The following BACH1 variants were observed in gnomAD, a reference collection of about 807,000 sequenced individuals.
BACH1 encodes the protein BTB domain and CNC homolog 1, also known as transcription regulator protein BACH1.
Under a neutral mutation model 52.9 loss-of-function variants are expected in BACH1, and 35 were observed. That is an observed-to-expected ratio of 0.66 (90% CI 0.51 to 0.88). The LOEUF (loss-of-function observed/expected upper bound fraction) is 0.88, where lower values mean the gene tolerates loss of function less well. BACH1 is among the 40% of genes least tolerant of loss of function. BACH1 has a pLI of 0.00. For synonymous variants in BACH1, 321 were observed against 319.6 expected (o/e 1.00, Z -0.05); for missense variants, 808 against 872.6 (o/e 0.93, Z 0.93).
chr21:29,332,229 C>T (rs1472391073), intron 4 of BACH1, among the ~76,000 whole-genome samples: 5 of 152,168 alleles, frequency 3.3e-5, no homozygotes, highest in South Asian at 2.1e-4. Flanking sequence ...CCATTGCATC[C>T]GGTCTCCATT....
chr21:29,314,623 T>C (rs1424484745), intron 1 of BACH1, among the ~76,000 whole-genome samples: 2 of 152,158 alleles, frequency 1.3e-5, no homozygotes, highest in Non-Finnish European at 2.9e-5. Flanking sequence ...AGCGGTGGCA[T>C]CTTTAGTTAT....
chr21:29,342,677 A>G lies in BACH1; in HGVS notation c.2055A>G (p.Arg685=), dbSNP rs199730601. 1.9e-4 allele frequency: 311 copies of G among 1,614,228 alleles called. 4 individuals carry two copies. In the East Asian group the frequency reaches 6.8e-3, roughly 35 times the overall value. ...CAGCAGTGCTGCCTCCCTGTGCCAGAGGAAACAGTGAGCCTGGCTACGCGC... is the reference window on the plus strand; with the variant it reads ...CAGCAGTGCTGCCTCCCTGTGCCAGGGGAAACAGTGAGCCTGGCTACGCGC... ...RPPAVLPPCA[R]GNSEPGYARG... is the part of the protein sequence containing the mutation. Residue 685 remains arginine (R), a synonymous_variant, in exon 5 of 5, where the codon AGA becomes AGG. Coordinates refer to ENST00000286800, the MANE Select transcript of BACH1 (RefSeq NM_001186.4).
rs367633782 is a variant in BACH1 at position 29,321,301 on chromosome 21, G to A, written c.21G>A (p.Ser7=). MSLSEN[S]VFAYESSVHS... is the part of the protein sequence containing the mutation. ...GCAGAATGTCTCTGAGTGAGAACTC[G>A]GTTTTTGCCTATGAATCTTCTGTGC... Residue 7 remains serine (S), a synonymous_variant, in exon 2 of 5, where the codon TCG becomes TCA. Transcript: ENST00000286800. The A allele has an allele frequency of 3.8e-5, 61 of 1,613,932 alleles. No individual in the cohort carries two copies. The African/African-American group carries it at 4.7e-4, about 12-fold the overall frequency.
intron 4 of BACH1, among the ~76,000 whole-genome samples, chr21:29,340,155 T>TACTG (rs1252835470): frequency 6.6e-6 from 1 of 152,240 alleles, no homozygotes; most frequent in Admixed American, 6.5e-5. Flanking sequence ...GTATCTTAAA[T>TACTG]ACTGATGTCA....
intron 1 of BACH1, among the ~76,000 whole-genome samples, chr21:29,302,548 C>T (rs1240327185): frequency 6.6e-6 from 1 of 152,230 alleles, no homozygotes; most frequent in Non-Finnish European, 1.5e-5. Flanking sequence ...TACCTGGTAA[C>T]TAGTGCCTCA....
Position 29,321,327 on chromosome 21 carries a change from A to G in BACH1, c.47A>G (p.His16Arg). 3 of 1,614,252 alleles carry G rather than the reference A, an allele frequency of 1.9e-6. No homozygotes were observed. The highest frequency in any genetic ancestry group is 2.5e-6 in the Non-Finnish European group (3 of 1,180,042). The change falls in exon 2 of 5, where the codon CAT becomes CGT. Residue 16 changes from histidine to arginine, a missense_variant. His to Arg is a conservative substitution (Grantham distance 29). Coordinates refer to ENST00000286800, the MANE Select transcript of BACH1 (RefSeq NM_001186.4). ...NSVFAYESSV[H>R]STNVLLSLND... ...GTTTTTGCCTATGAATCTTCTGTGC[A>G]TAGCACCAATGTTTTACTCAGCCTT... is the stretch of plus-strand genomic sequence containing the variant.
intron 4 of BACH1, among the ~76,000 whole-genome samples, chr21:29,336,286 C>T (rs1359046888): frequency 2.6e-5 from 4 of 152,146 alleles, no homozygotes; most frequent in African/African-American, 4.8e-5. Flanking sequence ...CTTTACTTCC[C>T]GTAAACTGGA....
chr21:29,322,799 T>G (rs2088864428), intron 2 of BACH1, among the ~76,000 whole-genome samples: 1 of 152,180 alleles, frequency 6.6e-6, no homozygotes, highest in Non-Finnish European at 1.5e-5. Context: ...GTAGCAGAGG[T>G]CAGAGTCAAT....
chr21:29,340,977 A>T (rs2123473913), intron 4 of BACH1, among the ~76,000 whole-genome samples: 1 of 152,140 alleles, frequency 6.6e-6, no homozygotes, highest in South Asian at 2.1e-4. Context: ...ATTTAAAAAA[A>T]AAAAAAAAAA....
chr21:29,308,399 GT>G (rs2088682430), intron 1 of BACH1, among the ~76,000 whole-genome samples: 1 of 152,160 alleles, frequency 6.6e-6, no homozygotes, highest in Admixed American at 6.5e-5. Flanking sequence ...GAATAAAACA[GT>G]TTCAAATTTG....
downstream of BACH1, among the ~76,000 whole-genome samples, chr21:29,348,794 G>A (rs996161581): frequency 2.6e-5 from 4 of 152,082 alleles, no homozygotes; most frequent in Non-Finnish European, 4.4e-5. Context: ...TGGAGGAGGC[G>A]TCTTAAATCT....
At chr21:29,334,455 C>T (rs1601362415) in intron 4 of BACH1, among the ~76,000 whole-genome samples, 1 of 152,182 alleles carries the variant, frequency 6.6e-6, no homozygotes, top group East Asian at 1.9e-4. Context: ...CAGTGTTTAA[C>T]TTATGAAGCT....
rs1569012778 is a variant in BACH1 at position 29,321,420 on chromosome 21, C to T, written c.140C>T (p.Ala47Val). The T allele has an allele frequency of 1.9e-6, 3 of 1,614,208 alleles. No individual in the cohort carries two copies. Among genetic ancestry groups the T allele is most frequent in the Non-Finnish European group, 2.5e-6 (3 of 1,180,044 alleles). The stretch of plus-strand genomic sequence containing the variant: ...TTTGTGGAGGGACAGCGGTTCCGCG[C>T]TCACCGGTCCGTGCTGGCGGCATGC... ...TIFVEGQRFR[A>V]HRSVLAACSS... Residue 47 changes from alanine to valine, a missense_variant, in exon 2 of 5, where the codon GCT (alanine) becomes GTT (valine). Physicochemically the swap from Ala to Val is moderately conservative, Grantham distance 64. Transcript: ENST00000286800.
chr21:29,344,632 ATTTGTG>A lies in BACH1; in HGVS notation c.*1801_*1806del, dbSNP rs2089149407. On this transcript the variant is annotated 3_prime_UTR_variant, in exon 5 of 5. Coordinates refer to ENST00000286800, the MANE Select transcript of BACH1 (RefSeq NM_001186.4). ...ATAGTGCATCCCATACTGCAAAAGA[ATTTGTG>A]TGTGTGTGTGTGTGTGTGTGTGTGT... The A allele has an allele frequency of 9.1e-6, 1 of 109,882 alleles. No individual in the cohort carries two copies. Among genetic ancestry groups the A allele is most frequent in the Non-Finnish European group, 1.8e-5 (1 of 56,596 alleles). 6.8% of individuals were successfully genotyped at this position (109,882 alleles called of 1,614,324 possible). A position where few individuals can be genotyped will look rare whatever the true frequency, so the allele number is the denominator to read the frequency against.
At chr21:29,341,785 G>A (rs968207619) in intron 4 of BACH1, among the ~76,000 whole-genome samples, 1 of 152,200 alleles carries the variant, frequency 6.6e-6, no homozygotes, top group Non-Finnish European at 1.5e-5. Flanking sequence ...TTACATAGCT[G>A]AGATTGCATG....
intron 4 of BACH1, among the ~76,000 whole-genome samples, chr21:29,332,824 T>A (rs2089000647): frequency 6.6e-6 from 1 of 152,232 alleles, no homozygotes; most frequent in Non-Finnish European, 1.5e-5. Flanking sequence ...TATCCTCTTC[T>A]GTGACTAGCG....
intron 1 of BACH1, among the ~76,000 whole-genome samples, chr21:29,299,216 T>A (rs1208471865): frequency 4.0e-5 from 6 of 151,494 alleles, no homozygotes; most frequent in Non-Finnish European, 8.9e-5. Context: ...GAGCTGTTGT[T>A]TACCCGCGCG....
chr21:29,301,632 C>A (rs1001244902), intron 1 of BACH1, among the ~76,000 whole-genome samples: 1 of 152,072 alleles, frequency 6.6e-6, no homozygotes, highest in Non-Finnish European at 1.5e-5. Context: ...GAGACAAGCC[C>A]AGCGGTTGGT....
At position 29,326,423 on chromosome 21, in the gene BACH1, A is replaced by C. The variant is rs771966161; in HGVS notation, c.599A>C (p.Gln200Pro). The change falls in exon 3 of 5, where the codon CAA (glutamine) becomes CCA (proline). Residue 200 changes from glutamine (Q) to proline (P), a missense_variant. Coordinates refer to ENST00000286800, the MANE Select transcript of BACH1 (RefSeq NM_001186.4). ...QGNAKASPPL[Q>P]DSASQTYESM... ...AATGCAAAAGCCTCACCTCCTCTAC[A>C]AGACAGTGCCAGTCAGACATATGAG... 6.2e-7 allele frequency: 1 copy of C among 1,614,214 alleles called. No homozygotes were observed.
Sources: allele counts gnomAD v4.1 joint callset (sites outside exome capture counted in the v4.1 genomes callset), GRCh38; gene constraint gnomAD v4.1.1; transcripts MANE v1.5; gene names NCBI Gene and HGNC (gene_info 2026-07-23, HGNC 2026-07-21).